The following POLB variants were observed in gnomAD, a reference collection of about 807,000 sequenced individuals.
The protein encoded by POLB is DNA polymerase beta, also known as 5'-dRP lyase.
In POLB, 37 loss-of-function variants were observed where a neutral mutation model predicts 52.7. The ratio of observed to expected loss-of-function variants is 0.70; its 90% confidence interval spans 0.54 to 0.92. The LOEUF is 0.92. POLB is among the 40% of genes least tolerant of loss of function. The pLI, the probability that POLB is intolerant of heterozygous loss-of-function variation, is 0.00. For missense variants in POLB, 313 were observed against 400.8 expected, an observed-to-expected ratio of 0.78 and a Z score of 1.87; for synonymous variants, 138 against 131.3, an observed-to-expected ratio of 1.05 and a Z score of -0.35.
In POLB at chr8:42,348,917, T is replaced by C. The variant is rs113263792; in HGVS notation, c.187-99T>C. 105 of 625,084 alleles carry C rather than the reference T, an allele frequency of 1.7e-4. 3 individuals carry two copies. Among genetic ancestry groups the C allele is most frequent in the African/African-American group, 1.5e-3 (79 of 52,420 alleles). The allele number at this position is 625,084 out of a possible 1,614,324, so 38.7% of individuals were successfully genotyped here. A position where few individuals can be genotyped will look rare whatever the true frequency, so the allele number is the denominator to read the frequency against. ...CTTTATTTCAAACCTTATCACATGG[T>C]ATTCATTTGTTTTTCATTTTCTGCT... On this transcript the variant is annotated intron_variant, in intron 3 of 13. Transcript: ENST00000265421.
At chr8:42,349,192 C>T in intron 4 of POLB, 102 bp downstream of exon 4, 1 of 650,302 alleles carries the variant, frequency 1.5e-6, no homozygotes, top group Non-Finnish European at 2.7e-6. Context: ...TGTAGTGAGA[C>T]TCACAGGAAA....
intron 6 of POLB, among the ~76,000 whole-genome samples, chr8:42,354,900 AAG>A (rs1407825554): frequency 1.3e-5 from 2 of 152,168 alleles, no homozygotes; most frequent in Admixed American, 6.6e-5. Context: ...AATGGAATGA[AAG>A]AGTGAAAGAA....
rs1823659352 is a variant in POLB at position 42,361,235 on chromosome 8, C to G, written c.551-60C>G. On this transcript the variant is annotated intron_variant, in intron 9 of 13. Transcript: ENST00000265421. ...TCTTCTGTGTGTCATCAGCTTGGTTCCATTTGCCCAATTGATACATTTACA... is the reference window on the plus strand; with the variant it reads ...TCTTCTGTGTGTCATCAGCTTGGTTGCATTTGCCCAATTGATACATTTACA... 4.2e-6 allele frequency: 5 copies of G among 1,181,900 alleles called. No homozygotes were observed. The Admixed American group carries it at 5.1e-5, about 12-fold the overall frequency. 73.2% of individuals were successfully genotyped at this position (1,181,900 alleles called of 1,614,324 possible). A position where few individuals can be genotyped will look rare whatever the true frequency, so the allele number is the denominator to read the frequency against.
At chr8:42,362,764 G>C in intron 11 of POLB, 66 bp downstream of exon 11, 1 of 793,568 alleles carries the variant, frequency 1.3e-6, no homozygotes, top group East Asian at 2.5e-5. Flanking sequence ...GCCATTCTGA[G>C]TGTGTGACTT....
chr8:42,364,174 G>A (rs566618077), intron 11 of POLB, among the ~76,000 whole-genome samples: 1 of 152,226 alleles, frequency 6.6e-6, no homozygotes, highest in Admixed American at 6.5e-5. Context: ...TGATCCGCCT[G>A]CCTCAGCCTC....
chr8:42,362,767 T>C, intron 11 of POLB, 69 bp downstream of exon 11: 2 of 775,326 alleles, frequency 2.6e-6, no homozygotes, highest in Middle Eastern at 2.3e-4. Flanking sequence ...ATTCTGAGTG[T>C]GTGACTTCAT....
At chr8:42,339,510 C>T (rs1360120480) in intron 2 of POLB, 1 of 161,962 alleles carries the variant, frequency 6.2e-6, no homozygotes, top group East Asian at 1.8e-4. Context: ...CACCAGGGGC[C>T]TTATCCTATT....
chr8:42,342,546 G>A, intron 2 of POLB: 2 of 786,056 alleles, frequency 2.5e-6, no homozygotes, highest in Non-Finnish European at 4.4e-6. Context: ...TCTGAGCATA[G>A]TAATCAGTTT....
rs1157325948 is a variant in POLB, at chr8:42,343,321, CAAAAAAAAA to C, written c.120-1615_120-1607del. Among the ~76,000 whole-genome samples the C allele has an allele frequency of 9.6e-3, 27 of 2,822 alleles. 1 individual carries two copies. The highest frequency in any genetic ancestry group is 0.019 in the African/African-American group (25 of 1,326). The allele number at this position is 2,822 out of a possible 152,430, so 1.9% of individuals were successfully genotyped here. On this transcript the variant is annotated intron_variant, in intron 2 of 13. Transcript: ENST00000265421. ...TGGGAGACAGAGCAAGACTGCGTCT[CAAAAAAAAA>C]AAAAAAAAAAAAAAAATATATATAT... is the stretch of plus-strand genomic sequence containing the variant.
chr8:42,370,646 G>A (rs1308136384), intron 13 of POLB, among the ~76,000 whole-genome samples: 1 of 152,136 alleles, frequency 6.6e-6, no homozygotes, highest in Non-Finnish European at 1.5e-5. Flanking sequence ...CCTTTGGCTT[G>A]CAGTGGGGCT....
intron 11 of POLB, among the ~76,000 whole-genome samples, chr8:42,364,477 C>T (rs1405550985): frequency 6.6e-6 from 1 of 152,172 alleles, no homozygotes; most frequent in Non-Finnish European, 1.5e-5. Flanking sequence ...GATCCACCCT[C>T]CTTGGCCTCC....
intron 11 of POLB, among the ~76,000 whole-genome samples, chr8:42,364,734 G>C (rs910558221): frequency 2.0e-4 from 31 of 152,166 alleles, no homozygotes; most frequent in Middle Eastern, 3.2e-3. Context: ...AGTTGAGAAA[G>C]ATAATTAAAT....
chr8:42,344,811 CA>C (rs968473066), intron 2 of POLB, 141 bp from the exon 3 acceptor site: 37 of 575,520 alleles, frequency 6.4e-5, no homozygotes, highest in East Asian at 1.5e-4. Flanking sequence ...GAGACTGTCT[CA>C]AAAAAAACAA....
chr8:42,338,915 C>A lies in POLB; in HGVS notation c.62-97C>A. On this transcript the variant is annotated intron_variant, in intron 1 of 13. Coordinates refer to ENST00000265421, the MANE Select transcript of POLB (RefSeq NM_002690.3). ...CTGGCCCTTGGAGGAAACGGGTGGT[C>A]ACTGTCTCTTAGAGGCTGCCATATC... The A allele has an allele frequency of 2.7e-6, 3 of 1,112,498 alleles. No homozygotes were observed. The South Asian group carries it at 3.8e-5, about 14-fold the overall frequency. The allele number at this position is 1,112,498 out of a possible 1,614,324, so 68.9% of individuals were successfully genotyped here.
At chr8:42,370,340 A>G (rs1824308548) in intron 13 of POLB, among the ~76,000 whole-genome samples, 1 of 138,312 alleles carries the variant, frequency 7.2e-6, no homozygotes, top group African/African-American at 2.6e-5. Flanking sequence ...CATTGTTTTC[A>G]GTGCCACATA....
At chr8:42,362,543 T>C in intron 10 of POLB, 69 bp from the exon 11 acceptor site, 1 of 950,804 alleles carries the variant, frequency 1.1e-6, no homozygotes, top group Non-Finnish European at 1.7e-6. Context: ...TCTAAAAATA[T>C]TGTTAAATAT....
chr8:42,338,943 C>T (rs932444410), intron 1 of POLB, 69 bp from the exon 2 acceptor site: 46 of 1,360,512 alleles, frequency 3.4e-5, no homozygotes, highest in Non-Finnish European at 4.5e-5. Context: ...GCCATATCCC[C>T]TTCCAGAAAA....
Position 42,361,365 on chromosome 8 carries a change from G to GT in POLB, c.621_621+1insT (p.Pro208SerfsTer25). ...GCTTCACTTCAGAATCAACCAAACA[G>GT]GTGCCTCAGAGTTTATAATCAATGG... On this transcript the variant is annotated frameshift_variant and splice_region_variant. Coordinates refer to ENST00000265421, the MANE Select transcript of POLB (RefSeq NM_002690.3). LOFTEE classifies it high-confidence loss of function. 1 of 1,597,876 alleles carries GT rather than the reference G, an allele frequency of 6.3e-7. No individual in the cohort carries two copies. The highest frequency in any genetic ancestry group is 8.6e-7 in the Non-Finnish European group (1 of 1,165,180).
intron 3 of POLB, among the ~76,000 whole-genome samples, chr8:42,345,390 T>C (rs1822548494): frequency 6.6e-6 from 1 of 152,166 alleles, no homozygotes; most frequent in South Asian, 2.1e-4. Context: ...TGTAGGAACC[T>C]ATGTGAGTTA....
Sources: allele counts gnomAD v4.1 joint callset (sites outside exome capture counted in the v4.1 genomes callset), GRCh38; gene constraint gnomAD v4.1.1; transcripts MANE v1.5; gene names NCBI Gene and HGNC (gene_info 2026-07-23, HGNC 2026-07-21).